TUT4: variants seen among roughly 807,000 people sequenced by gnomAD.
TUT4 encodes terminal uridylyltransferase 4.
A neutral mutation model predicts 192.2 loss-of-function variants in TUT4; 36 were observed. The observed-to-expected ratio is 0.19, with a 90% CI of 0.14 to 0.25. TUT4 has a LOEUF of 0.25. Ranked by LOEUF, TUT4 falls within the 10% of genes least tolerant of loss-of-function variation. The pLI, the probability that TUT4 is intolerant of heterozygous loss-of-function variation, is 1.00. For synonymous variants in TUT4, 618 were observed against 666.0 expected (o/e 0.93, Z 1.11); for missense variants, 1,493 against 1,957.2 (o/e 0.76, Z 4.47).
At chr1:52,430,899 T>C (rs1651855420) in intron 28 of TUT4, 114 bp downstream of exon 28, 9 of 1,187,652 alleles carry the variant, frequency 7.6e-6, no homozygotes, top group Non-Finnish European at 1.0e-5. Flanking sequence ...TATCTAATCC[T>C]GTACTGTCCC....
chr1:52,510,016 T>C (rs1676671663), intron 3 of TUT4, among the ~76,000 whole-genome samples: 1 of 151,994 alleles, frequency 6.6e-6, no homozygotes, highest in Non-Finnish European at 1.5e-5. Context: ...GAATCCAATG[T>C]AAGAAAAGCA....
At chr1:52,529,002 C>T (rs72905605) in intron 1 of TUT4, among the ~76,000 whole-genome samples, 9,145 of 152,086 alleles carry the variant, frequency 0.06, 299 homozygotes, top group South Asian at 0.086. Context: ...AATGAGCCAC[C>T]ACACTTGGCC....
In TUT4 at chr1:52,430,977, G is replaced by C. The variant is rs375958457; in HGVS notation, c.4711+36C>G. On this transcript the variant is annotated intron_variant, in intron 28 of 29. Transcript: ENST00000257177. ...TACAGACAGATACAAAAGAAGAAAA[G>C]ACATGCAGATAAAAAAGAAGAAAAG... 14 of 1,521,682 alleles carry C rather than the reference G, an allele frequency of 9.2e-6. No homozygotes were observed. In the East Asian group the frequency reaches 3.2e-4, roughly 35 times the overall value. 94.3% of individuals were successfully genotyped at this position (1,521,682 alleles called of 1,614,324 possible).
intron 24 of TUT4, among the ~76,000 whole-genome samples, chr1:52,443,283 CA>C (rs1036132733): frequency 5.2e-5 from 6 of 115,030 alleles, no homozygotes; most frequent in African/African-American, 6.7e-5. Context: ...GACTCTGTCT[CA>C]AAAAAAAAAT....
chr1:52,484,491 C>G (rs1570811182), intron 9 of TUT4, among the ~76,000 whole-genome samples: 2 of 152,222 alleles, frequency 1.3e-5, no homozygotes, highest in Admixed American at 1.3e-4. Flanking sequence ...CAACTATACA[C>G]CTTCTAGGTA....
At position 52,425,254 on chromosome 1, in the gene TUT4, T is replaced by C. The variant is rs1649459528; in HGVS notation, c.4870+95A>G. Reference sequence around the variant, plus strand: ...TCTCAGTAAATGTTTACTGAATTCATGAATTTTCACTCCCAGATCCTGGCC... The same window carrying C: ...TCTCAGTAAATGTTTACTGAATTCACGAATTTTCACTCCCAGATCCTGGCC... On this transcript the variant is annotated intron_variant, in intron 29 of 29. Coordinates refer to ENST00000257177, the MANE Select transcript of TUT4 (RefSeq NM_001009881.3). 11 of 1,428,214 alleles carry C rather than the reference T, an allele frequency of 7.7e-6. No individual in the cohort carries two copies. The East Asian group carries it at 2.6e-4, about 33-fold the overall frequency. 88.5% of individuals were successfully genotyped at this position (1,428,214 alleles called of 1,614,324 possible). A position where few individuals can be genotyped will look rare whatever the true frequency, so the allele number is the denominator to read the frequency against.
intron 14 of TUT4, among the ~76,000 whole-genome samples, chr1:52,469,891 CAAA>C (rs773732659): frequency 1.4e-5 from 1 of 69,150 alleles, no homozygotes; most frequent in Admixed American, 1.6e-4. Flanking sequence ...ACTCAGTCTC[CAAA>C]AAAAAAAAAA....
rs762739631 is a variant in TUT4 at position 52,436,988 on chromosome 1, A to G, written c.3939-10T>C. The stretch of plus-strand genomic sequence containing the variant: ...TCTAAACAGTAAACTGCTGATACCA[A>G]TAATGTGGGGCTAGGGACTTGTAAA... On this transcript the variant is annotated splice_polypyrimidine_tract_variant and intron_variant, in intron 25 of 29. Coordinates refer to ENST00000257177, the MANE Select transcript of TUT4 (RefSeq NM_001009881.3). 5.6e-6 allele frequency: 9 copies of G among 1,612,216 alleles called. No homozygotes were observed. Among genetic ancestry groups the G allele is most frequent in the Admixed American group, 5.0e-5 (3 of 59,784 alleles).
intron 1 of TUT4, among the ~76,000 whole-genome samples, chr1:52,539,036 G>A (rs1685755877): frequency 6.6e-6 from 1 of 152,116 alleles, no homozygotes; most frequent in African/African-American, 2.4e-5. Context: ...CGAAGTTACA[G>A]AATCACTATT....
rs772376466 is a variant in TUT4 at position 52,438,197 on chromosome 1, T to C, written c.3938+23A>G. The C allele has an allele frequency of 3.8e-6, 6 of 1,568,884 alleles. No individual in the cohort carries two copies. The Admixed American group carries it at 7.1e-5, about 19-fold the overall frequency. On this transcript the variant is annotated intron_variant, in intron 25 of 29. Coordinates refer to ENST00000257177, the MANE Select transcript of TUT4 (RefSeq NM_001009881.3). Reference sequence around the variant, plus strand: ...CCTCTCATTTATTTTCCTCAAAATGTTGATATATATTCATTTGCCAACCTT... The same window carrying C: ...CCTCTCATTTATTTTCCTCAAAATGCTGATATATATTCATTTGCCAACCTT...
At chr1:52,532,005 A>G (rs1242760883) in intron 1 of TUT4, among the ~76,000 whole-genome samples, 1 of 144,298 alleles carries the variant, frequency 6.9e-6, no homozygotes, top group Non-Finnish European at 1.5e-5. Flanking sequence ...CTCCTGCCTC[A>G]GCCTCCTGAG....
At chr1:52,480,910 T>A (rs1481567335) in intron 11 of TUT4, among the ~76,000 whole-genome samples, 1 of 152,176 alleles carries the variant, frequency 6.6e-6, no homozygotes, top group African/African-American at 2.4e-5. Flanking sequence ...TCAGAAATGT[T>A]CAGATTTCTG....
intron 20 of TUT4, among the ~76,000 whole-genome samples, chr1:52,453,066 T>C (rs1659893983): frequency 6.6e-6 from 1 of 152,198 alleles, no homozygotes; most frequent in Non-Finnish European, 1.5e-5. Context: ...TCTGTGATTA[T>C]TGTTGTTGAG....
Position 52,431,059 on chromosome 1 carries a change from A to G in TUT4, c.4665T>C (p.Thr1555=), listed in dbSNP as rs373354842. 5 of 1,604,810 alleles carry G rather than the reference A, an allele frequency of 3.1e-6. No homozygotes were observed. Among genetic ancestry groups the G allele is most frequent in the East Asian group, 2.2e-5 (1 of 44,610 alleles). Residue 1555 remains threonine (T), a synonymous_variant, in exon 28 of 30, where the codon ACT becomes ACC. Transcript: ENST00000257177. ...TGTTTACCAGGGAATTTGGAGCCAC[A>G]GTACGGGGCCAGTGTCCATCGTGAG... is the stretch of plus-strand genomic sequence containing the variant. The part of the protein sequence containing the change: ...NTSHDGHWPR[T]VAPNSLVNSG...
intron 3 of TUT4, among the ~76,000 whole-genome samples, chr1:52,512,170 C>T (rs1252933587): frequency 1.3e-5 from 2 of 152,182 alleles, no homozygotes; most frequent in African/African-American, 2.4e-5. Context: ...CATCAGAGGA[C>T]ATCTCAACTG....
chr1:52,453,483 T>C (rs955943373), intron 20 of TUT4, among the ~76,000 whole-genome samples: 23 of 150,386 alleles, frequency 1.5e-4, no homozygotes, highest in African/African-American at 5.1e-4. Flanking sequence ...TCACGATCAA[T>C]AGATGCAGAA....
chr1:52,518,586 A>G (rs1226536896), intron 2 of TUT4, among the ~76,000 whole-genome samples: 1 of 152,198 alleles, frequency 6.6e-6, no homozygotes. Context: ...GGGCCTCAAC[A>G]TATGAATTTG....
intron 20 of TUT4, among the ~76,000 whole-genome samples, chr1:52,455,406 G>A (rs1274268172): frequency 1.3e-5 from 2 of 151,822 alleles, no homozygotes; most frequent in East Asian, 1.9e-4. Flanking sequence ...CCAGGAGTTC[G>A]AGACCAGCCT....
intron 24 of TUT4, among the ~76,000 whole-genome samples, chr1:52,444,651 G>A (rs1007713797): frequency 2.0e-5 from 3 of 149,548 alleles, no homozygotes; most frequent in Non-Finnish European, 3.0e-5. Flanking sequence ...ACTTAATCTA[G>A]TGTGCATAAT....
Sources: gnomAD v4.1 joint callset for allele counts (sites outside exome capture counted in the v4.1 genomes callset) on GRCh38, gnomAD v4.1.1 for gene constraint, MANE v1.5 for transcripts, NCBI Gene and HGNC (gene_info 2026-07-23, HGNC 2026-07-21) for gene names.